THEM6: variants seen among roughly 807,000 people sequenced by gnomAD.
THEM6 encodes the protein protein THEM6.
A neutral mutation model predicts 13.7 loss-of-function variants in THEM6; 10 were observed. The observed-to-expected ratio is 0.73, with a 90% CI of 0.45 to 1.24. The LOEUF (loss-of-function observed/expected upper bound fraction) is 1.24. THEM6 is among the 50% of genes most tolerant of loss of function. The probability of loss-of-function intolerance (pLI) is 0.00; values close to 1 mark genes in which losing one functional copy is unlikely to be tolerated. For missense variants in THEM6, 317 were observed against 312.6 expected (o/e 1.01, Z -0.11); for synonymous variants, 161 against 156.0 (o/e 1.03, Z -0.24).
At chr8:142,729,727 G>A (rs1409906095) in intron 1 of THEM6, among the ~76,000 whole-genome samples, 3 of 152,170 alleles carry the variant, frequency 2.0e-5, no homozygotes, top group South Asian at 4.1e-4. Flanking sequence ...AGAAGGACAG[G>A]GTTACACTGA....
chr8:142,735,412 G>A lies in THEM6; in HGVS notation c.600G>A (p.Gly200=), dbSNP rs1331296017. ...ASSQLLRMES[G]LSDVTKDQ ...GCCAGCTGCTCCGCATGGAGAGTGG[G>A]CTCAGTGATGTCACCAAGGACCAGT... Residue 200 remains glycine, a synonymous_variant, in exon 2 of 2, where the codon GGG becomes GGA. Transcript: ENST00000336138. 1.9e-6 allele frequency: 3 copies of A among 1,581,730 alleles called. No homozygotes were observed. The highest frequency in any genetic ancestry group is 1.7e-6 in the Non-Finnish European group (2 of 1,164,170).
intron 1 of THEM6, among the ~76,000 whole-genome samples, chr8:142,733,008 A>G (rs887803924): frequency 1.3e-5 from 2 of 152,234 alleles, no homozygotes; most frequent in African/African-American, 4.8e-5. Flanking sequence ...CAGCTTTGCC[A>G]CAAGAGTTCA....
rs1345456458 is a variant in THEM6, at chr8:142,735,723, A to C, written c.*284A>C. 7.1e-6 allele frequency: 3 copies of C among 423,270 alleles called. No individual in the cohort carries two copies. The highest frequency in any genetic ancestry group is 5.2e-5 in the South Asian group (2 of 38,252). The allele number at this position is 423,270 out of a possible 1,614,324, so 26.2% of individuals were successfully genotyped here. On this transcript the variant is annotated 3_prime_UTR_variant, in exon 2 of 2. Transcript: ENST00000336138. ...GCCTGGCCCTACGATGAGGCCACTC[A>C]TGTGGGCCTAGGTAGGGGAGGATGG...
At chr8:142,731,732 C>CG (rs761335817) in intron 1 of THEM6, among the ~76,000 whole-genome samples, 1 of 152,140 alleles carries the variant, frequency 6.6e-6, no homozygotes, top group Non-Finnish European at 1.5e-5. Flanking sequence ...GCAGCAGGGC[C>CG]GGGCAATGGC....
chr8:142,730,078 C>T (rs1815608804), intron 1 of THEM6, among the ~76,000 whole-genome samples: 1 of 152,160 alleles, frequency 6.6e-6, no homozygotes, highest in African/African-American at 2.4e-5. Flanking sequence ...ACAGTAATAA[C>T]AAAGGCGCTA....
Position 142,727,775 on chromosome 8 carries a change from C to T in THEM6, c.429C>T (p.Gly143=), listed in dbSNP as rs2257840. ...CGCGCTTTGTCAGCCTGCGGGACGGCTTCGTGTGCGCGCTGCTGCGCTTCC... is the reference window on the plus strand; with the variant it reads ...CGCGCTTTGTCAGCCTGCGGGACGGTTTCGTGTGCGCGCTGCTGCGCTTCC... ...LEARFVSLRD[G]FVCALLRFRQ... is the part of the protein sequence containing the mutation. The change falls in exon 1 of 2, where the codon GGC becomes GGT. Residue 143 remains glycine, a synonymous_variant. Transcript: ENST00000336138. The T allele has an allele frequency of 0.47, 695,565 of 1,464,816 alleles. 166,943 individuals are homozygous for T. The highest frequency in any genetic ancestry group is 0.57 in the African/African-American group (38,728 of 67,796). The allele number at this position is 1,464,816 out of a possible 1,614,324, so 90.7% of individuals were successfully genotyped here.
At chr8:142,732,208 T>TATAA (rs1815665287) in intron 1 of THEM6, among the ~76,000 whole-genome samples, 2 of 39,358 alleles carry the variant, frequency 5.1e-5, no homozygotes, top group Non-Finnish European at 1.2e-4. Flanking sequence ...ATATATATAT[T>TATAA]TTAACTACTG....
At chr8:142,728,094 G>A (rs1815554330) in intron 1 of THEM6, among the ~76,000 whole-genome samples, 1 of 152,120 alleles carries the variant, frequency 6.6e-6, no homozygotes, top group Non-Finnish European at 1.5e-5. Flanking sequence ...TCATAGTCGG[G>A]CTTAGCGTGC....
intron 1 of THEM6, among the ~76,000 whole-genome samples, chr8:142,728,698 G>C (rs1587580526): frequency 6.6e-6 from 1 of 152,214 alleles, no homozygotes; most frequent in African/African-American, 2.4e-5. Flanking sequence ...CTTGGATCTT[G>C]TGTAAGAAAG....
chr8:142,727,785 G>A lies in THEM6; in HGVS notation c.439G>A (p.Ala147Thr), dbSNP rs1250995115. The A allele has an allele frequency of 6.8e-7, 1 of 1,466,604 alleles. No individual in the cohort carries two copies. Among genetic ancestry groups the A allele is most frequent in the Non-Finnish European group, 8.9e-7 (1 of 1,117,894 alleles). The allele number at this position is 1,466,604 out of a possible 1,614,324, so 90.8% of individuals were successfully genotyped here. The stretch of plus-strand genomic sequence containing the variant: ...CAGCCTGCGGGACGGCTTCGTGTGC[G>A]CGCTGCTGCGCTTCCGGCAGCACCT... Reference protein sequence around the residue: ...FVSLRDGFVCALLRFRQHLLG... With the variant: ...FVSLRDGFVCTLLRFRQHLLG... Residue 147 changes from alanine to threonine, a missense_variant, in exon 1 of 2, where the codon GCG becomes ACG. Physicochemically the swap from Ala to Thr is moderately conservative, Grantham distance 58 (BLOSUM62 0). Coordinates refer to ENST00000336138, the MANE Select transcript of THEM6 (RefSeq NM_016647.3).
In THEM6 at chr8:142,727,269, C is replaced by A. The variant is rs1554642369; in HGVS notation, c.-78C>A. 4 of 1,347,246 alleles carry A rather than the reference C, an allele frequency of 3.0e-6. No individual in the cohort carries two copies. In the Admixed American group the frequency reaches 1.5e-4, roughly 50 times the overall value. The allele number at this position is 1,347,246 out of a possible 1,614,324, so 83.5% of individuals were successfully genotyped here. ...GCTCGTGAGTTCCCAGGAGGCCTGGCGGGCACCGTAACCAGCGCCGCGGAC... is the reference window on the plus strand; with the variant it reads ...GCTCGTGAGTTCCCAGGAGGCCTGGAGGGCACCGTAACCAGCGCCGCGGAC... On this transcript the variant is annotated 5_prime_UTR_variant, in exon 1 of 2. Transcript: ENST00000336138.
intron 1 of THEM6, 136 bp from the exon 2 acceptor site, chr8:142,735,190 G>C: frequency 1.5e-6 from 1 of 667,856 alleles, no homozygotes; most frequent in South Asian, 1.7e-5. Flanking sequence ...GCAGAGCCTG[G>C]GGAGGCATGG....
At chr8:142,730,905 C>T (rs1563822162) in intron 1 of THEM6, among the ~76,000 whole-genome samples, 3 of 152,212 alleles carry the variant, frequency 2.0e-5, no homozygotes, top group Non-Finnish European at 4.4e-5. Flanking sequence ...CCACCATGCC[C>T]AGCTAATTTT....
intron 1 of THEM6, among the ~76,000 whole-genome samples, chr8:142,729,495 GT>G (rs1815598804): frequency 6.6e-6 from 1 of 152,156 alleles, no homozygotes; most frequent in South Asian, 2.1e-4. Flanking sequence ...GCTAAGGTCT[GT>G]TTTAGATCTC....
intron 1 of THEM6, among the ~76,000 whole-genome samples, 163 bp downstream of exon 1, chr8:142,728,022 C>T (rs1271360324): frequency 6.6e-6 from 1 of 152,140 alleles, no homozygotes; most frequent in Non-Finnish European, 1.5e-5. Context: ...CCCTCTCTAC[C>T]GGGGGCATTC....
In THEM6 at chr8:142,727,728, G is replaced by T; in HGVS notation, c.382G>T (p.Asp128Tyr). 1 of 1,438,464 alleles carries T rather than the reference G, an allele frequency of 7.0e-7. No individual in the cohort carries two copies. Among genetic ancestry groups the T allele is most frequent in the Non-Finnish European group, 9.0e-7 (1 of 1,105,940 alleles). 89.1% of individuals were successfully genotyped at this position (1,438,464 alleles called of 1,614,324 possible). A position where few individuals can be genotyped will look rare whatever the true frequency, so the allele number is the denominator to read the frequency against. ...EVRTRLLGWD[D>Y]RAFYLEARFV... ...GCGCACCCGCCTGCTGGGCTGGGAC[G>T]ACCGCGCGTTCTACCTGGAGGCGCG... The change falls in exon 1 of 2, where the codon GAC becomes TAC. Residue 128 changes from aspartate to tyrosine, a missense_variant. Transcript: ENST00000336138.
chr8:142,735,385 C>G lies in THEM6; in HGVS notation c.573C>G (p.Ser191Arg). The G allele has an allele frequency of 6.3e-7, 1 of 1,584,270 alleles. No homozygotes were observed. Among genetic ancestry groups the G allele is most frequent in the Non-Finnish European group, 8.6e-7 (1 of 1,165,444 alleles). The change falls in exon 2 of 2, where the codon AGC becomes AGG. Residue 191 changes from serine (S) to arginine (R), a missense_variant. Coordinates refer to ENST00000336138, the MANE Select transcript of THEM6 (RefSeq NM_016647.3). Reference sequence around the variant, plus strand: ...ACTGGATCTCCTACAACGAGGCCAGCAGCCAGCTGCTCCGCATGGAGAGTG... The same window carrying G: ...ACTGGATCTCCTACAACGAGGCCAGGAGCCAGCTGCTCCGCATGGAGAGTG... The part of the protein sequence containing the change: ...LQHWISYNEA[S>R]SQLLRMESGL...
At position 142,735,391 on chromosome 8, in the gene THEM6, G is replaced by C. The variant is rs996871486; in HGVS notation, c.579G>C (p.Gln193His). Residue 193 changes from glutamine (Q) to histidine (H), a missense_variant, in exon 2 of 2, where the codon CAG becomes CAC. Coordinates refer to ENST00000336138, the MANE Select transcript of THEM6 (RefSeq NM_016647.3). ...TCTCCTACAACGAGGCCAGCAGCCA[G>C]CTGCTCCGCATGGAGAGTGGGCTCA... The part of the protein sequence containing the change: ...HWISYNEASS[Q>H]LLRMESGLSD... 4 of 1,584,762 alleles carry C rather than the reference G, an allele frequency of 2.5e-6. No individual in the cohort carries two copies. In the African/African-American group the frequency reaches 4.0e-5, roughly 16 times the overall value.
intron 1 of THEM6, chr8:142,735,074 C>T: frequency 2.1e-6 from 1 of 481,224 alleles, no homozygotes; most frequent in South Asian, 2.9e-5. Flanking sequence ...CCCAACCTGC[C>T]AACTTCACGG....
Sources: gnomAD v4.1 joint callset for allele counts (sites outside exome capture counted in the v4.1 genomes callset) on GRCh38, gnomAD v4.1.1 for gene constraint, MANE v1.5 for transcripts, NCBI Gene and HGNC (gene_info 2026-07-23, HGNC 2026-07-21) for gene names.